Variants in B4GALNT3 observed in about 807,000 individuals in gnomAD.
The protein encoded by B4GALNT3 is beta-1,4-N-acetylgalactosaminyltransferase 3.
Under a neutral mutation model 120.2 loss-of-function variants are expected in B4GALNT3, and 86 were observed. The observed-to-expected ratio is 0.72, with a 90% CI of 0.60 to 0.86. B4GALNT3 has a LOEUF of 0.86. Ranked by LOEUF, B4GALNT3 falls within the 40% of genes least tolerant of loss-of-function variation. The pLI, the probability that B4GALNT3 is intolerant of heterozygous loss-of-function variation, is 0.00. For missense variants in B4GALNT3, 1,167 were observed against 1,298.9 expected (o/e 0.90, Z 1.56); for synonymous variants, 518 against 510.4 (o/e 1.01, Z -0.20).
chr12:541,052 G>A (rs1267725489), intron 3 of B4GALNT3, among the ~76,000 whole-genome samples: 1 of 152,218 alleles, frequency 6.6e-6, no homozygotes, highest in Non-Finnish European at 1.5e-5. Flanking sequence ...AGCTTCGGAG[G>A]TTTTAAGCAG....
At position 559,472 on chromosome 12, in the gene B4GALNT3, C is replaced by T. The variant is rs781115173; in HGVS notation, c.2888+51C>T. 27 of 1,604,898 alleles carry T rather than the reference C, an allele frequency of 1.7e-5. No homozygotes were observed. In the Admixed American group the frequency reaches 3.2e-4, roughly 19 times the overall value. ...CGAGGCCTGGGAATTCCATGGCGCT[C>T]CAGGCAGGGAGCCAGGCTACAGCAG... On this transcript the variant is annotated intron_variant, in intron 19 of 19. Transcript: ENST00000266383.
chr12:541,916 C>T (rs1288991398), intron 3 of B4GALNT3, among the ~76,000 whole-genome samples: 2 of 147,558 alleles, frequency 1.4e-5, no homozygotes, highest in Non-Finnish European at 3.0e-5. Flanking sequence ...GGTGGCATGC[C>T]CTCCCCCACT....
intron 14 of B4GALNT3, among the ~76,000 whole-genome samples, chr12:554,739 G>A (rs1947129269): frequency 8.1e-6 from 1 of 124,074 alleles, no homozygotes; most frequent in Admixed American, 1.0e-4. Context: ...GCAGTGAGCT[G>A]AGATTGCGCC....
At chr12:508,688 C>G (rs1322220515) in intron 1 of B4GALNT3, among the ~76,000 whole-genome samples, 2 of 152,182 alleles carry the variant, frequency 1.3e-5, no homozygotes, top group Non-Finnish European at 2.9e-5. Flanking sequence ...CCTCTGACCT[C>G]TGATTTGCAC....
In B4GALNT3 at chr12:460,595, C is replaced by G. The variant is rs2120393177; in HGVS notation, c.169+50C>G. On this transcript the variant is annotated intron_variant, in intron 1 of 19. Coordinates refer to ENST00000266383, the MANE Select transcript of B4GALNT3 (RefSeq NM_173593.4). This position sits in a 1 kb window ranked among gnomAD's most constrained non-coding sequence, Gnocchi z 8.0. ...AGGGCGCGGGGGTGGGCGGCGGCGGCGGCTCCTGCGTTGGGGGGACCCGCC... is the reference window on the plus strand; with the variant it reads ...AGGGCGCGGGGGTGGGCGGCGGCGGGGGCTCCTGCGTTGGGGGGACCCGCC... 7.6e-7 allele frequency: 1 copy of G among 1,308,848 alleles called. No individual in the cohort carries two copies. Among genetic ancestry groups the G allele is most frequent in the South Asian group, 2.1e-5 (1 of 47,594 alleles). 81.1% of individuals were successfully genotyped at this position (1,308,848 alleles called of 1,614,324 possible). A position where few individuals can be genotyped will look rare whatever the true frequency, so the allele number is the denominator to read the frequency against.
At chr12:551,359 C>G (rs1248795268) in intron 11 of B4GALNT3, among the ~76,000 whole-genome samples, 2 of 152,228 alleles carry the variant, frequency 1.3e-5, no homozygotes, top group Non-Finnish European at 2.9e-5. Flanking sequence ...CCCTACCCTG[C>G]CTGGTCAGTC....
chr12:477,561 C>G (rs938857498), intron 1 of B4GALNT3, among the ~76,000 whole-genome samples: 1 of 152,180 alleles, frequency 6.6e-6, no homozygotes, highest in Non-Finnish European at 1.5e-5. Flanking sequence ...TGCACACTCC[C>G]GTCCTGAGAA....
intron 3 of B4GALNT3, among the ~76,000 whole-genome samples, chr12:537,949 G>A (rs1378643388): frequency 6.6e-6 from 1 of 152,092 alleles, no homozygotes; most frequent in Non-Finnish European, 1.5e-5. Flanking sequence ...TCCTTTTAAA[G>A]CCCTGGGAGA....
chr12:474,732 G>A (rs1456054427), intron 1 of B4GALNT3, among the ~76,000 whole-genome samples: 3 of 152,108 alleles, frequency 2.0e-5, no homozygotes, highest in Non-Finnish European at 4.4e-5. Flanking sequence ...GGCTGAGATG[G>A]GTGGATCACT....
At chr12:557,113 T>C (rs1947165730) in intron 15 of B4GALNT3, among the ~76,000 whole-genome samples, 1 of 152,092 alleles carries the variant, frequency 6.6e-6, no homozygotes, top group Non-Finnish European at 1.5e-5. Context: ...GGTTTCAGGA[T>C]TGGGTGTGAT....
At chr12:469,178 G>C (rs1375220237) in intron 1 of B4GALNT3, among the ~76,000 whole-genome samples, 2 of 152,158 alleles carry the variant, frequency 1.3e-5, no homozygotes, top group Non-Finnish European at 2.9e-5. Context: ...GGCAGGGCAA[G>C]GTTCCAGTTC....
chr12:487,238 A>G (rs996145201), intron 1 of B4GALNT3, among the ~76,000 whole-genome samples: 2 of 152,234 alleles, frequency 1.3e-5, no homozygotes, highest in African/African-American at 2.4e-5. Flanking sequence ...TCAGAAGGAA[A>G]AGAGAGAAAC....
In B4GALNT3 at chr12:550,990, G is replaced by A. The variant is rs759112894; in HGVS notation, c.1066G>A (p.Val356Met). Residue 356 changes from valine to methionine, a missense_variant, in exon 11 of 20, where the codon GTG becomes ATG. Physicochemically the swap from Val to Met is conservative, Grantham distance 21. Coordinates refer to ENST00000266383, the MANE Select transcript of B4GALNT3 (RefSeq NM_173593.4). This position sits in a 1 kb window ranked among gnomAD's most constrained non-coding sequence, Gnocchi z 4.1. The stretch of plus-strand genomic sequence containing the variant: ...CTGTCCCTACAAACCCAGCTATCTG[G>A]TGGATGGGCTTCCTCTGCAGCGCTA... ...PDCPYKPSYL[V>M]DGLPLQRYQG... 1.9e-6 allele frequency: 3 copies of A among 1,613,996 alleles called. No homozygotes were observed. The highest frequency in any genetic ancestry group is 2.5e-6 in the Non-Finnish European group (3 of 1,179,952).
chr12:510,486 G>A (rs1236786913), intron 1 of B4GALNT3, among the ~76,000 whole-genome samples: 1 of 147,804 alleles, frequency 6.8e-6, no homozygotes, highest in African/African-American at 2.4e-5. Context: ...GGAGTTGGCT[G>A]GGCTGGGAGG....
In B4GALNT3 at chr12:563,184, G is replaced by A. The variant is rs949408268; in HGVS notation, c.*1733G>A. The A allele has an allele frequency of 2.0e-5, 3 of 152,610 alleles. No homozygotes were observed. The highest frequency in any genetic ancestry group is 2.4e-5 in the African/African-American group (1 of 41,454). 9.5% of individuals were successfully genotyped at this position (152,610 alleles called of 1,614,324 possible). A position where few individuals can be genotyped will look rare whatever the true frequency, so the allele number is the denominator to read the frequency against. ...CCTGGAGAAGGATGGTGGGGCATAG[G>A]CTAGGGCTGCAGTTGGCCAGTGGGG... On this transcript the variant is annotated 3_prime_UTR_variant, in exon 20 of 20. Coordinates refer to ENST00000266383, the MANE Select transcript of B4GALNT3 (RefSeq NM_173593.4).
intron 1 of B4GALNT3, among the ~76,000 whole-genome samples, chr12:480,262 A>G (rs976550478): frequency 1.3e-5 from 2 of 152,230 alleles, no homozygotes; most frequent in South Asian, 2.1e-4. Flanking sequence ...AGGAAAAAAC[A>G]TAAGTCCTTT....
At chr12:531,043 T>A (rs1946801521) in intron 1 of B4GALNT3, among the ~76,000 whole-genome samples, 1 of 152,132 alleles carries the variant, frequency 6.6e-6, no homozygotes, top group African/African-American at 2.4e-5. Context: ...AGGAGTTCGC[T>A]TACCAGAGGG....
chr12:500,899 A>T (rs1946435737), intron 1 of B4GALNT3, among the ~76,000 whole-genome samples: 1 of 48,138 alleles, frequency 2.1e-5, no homozygotes. Flanking sequence ...ACAGGGTCTC[A>T]CTTTGTCACC....
At position 553,371 on chromosome 12, in the gene B4GALNT3, G is replaced by C. The variant is rs375520881; in HGVS notation, c.1448G>C (p.Arg483Pro). The change falls in exon 14 of 20, where the codon CGG (arginine) becomes CCG (proline). Residue 483 changes from arginine (R) to proline (P), a missense_variant. Arg to Pro is a moderately radical substitution (Grantham distance 103). This residue lies in a region of B4GALNT3 where 983 missense variants were observed against 1,102.5 expected (regional missense o/e 0.89). Coordinates refer to ENST00000266383, the MANE Select transcript of B4GALNT3 (RefSeq NM_173593.4). ...RSLRKLLAQP[R>P]EGLLAPFSKR... ...CTGCGGAAACTCCTGGCTCAGCCCC[G>C]GGAGGGCCTGCTGGCCCCCTTCTCC... The C allele has an allele frequency of 1.5e-5, 24 of 1,613,642 alleles. No homozygotes were observed. Among genetic ancestry groups the C allele is most frequent in the Non-Finnish European group, 1.9e-5 (22 of 1,180,040 alleles).
Sources: allele counts gnomAD v4.1 joint callset (sites outside exome capture counted in the v4.1 genomes callset), GRCh38; gene constraint gnomAD v4.1.1; regional missense constraint gnomAD v4.1.1; non-coding constraint Gnocchi (gnomAD v3.1); transcripts MANE v1.5; gene names NCBI Gene and HGNC (gene_info 2026-07-23, HGNC 2026-07-21).